Variants in LONRF3 observed in about 807,000 individuals in gnomAD.
LONRF3 encodes the protein LON peptidase N-terminal domain and ring finger 3.
A neutral mutation model predicts 51.7 loss-of-function variants in LONRF3; 19 were observed. The observed-to-expected ratio is 0.37, with a 90% CI of 0.26 to 0.54. The LOEUF (loss-of-function observed/expected upper bound fraction) is 0.54, where lower values mean the gene tolerates loss of function less well. Among genes scored for constraint, LONRF3 ranks in the 20% least tolerant of loss-of-function variants. The pLI, the probability that LONRF3 is intolerant of heterozygous loss-of-function variation, is 0.86. For missense variants in LONRF3, 521 were observed against 623.9 expected (o/e 0.84, Z 1.76); for synonymous variants, 265 against 257.8 (o/e 1.03, Z -0.27).
At chrX:119,003,584 C>T (rs1924485838) in intron 5 of LONRF3, among the ~76,000 whole-genome samples, 1 of 112,210 alleles carries the variant, frequency 8.9e-6, no homozygotes, top group Non-Finnish European at 1.9e-5. Flanking sequence ...TTCTGTTCCC[C>T]GAGTCTATTT....
chrX:118,978,767 A>G (rs1264066736), intron 2 of LONRF3, among the ~76,000 whole-genome samples: 1 of 110,473 alleles, frequency 9.1e-6, no homozygotes, highest in Non-Finnish European at 1.9e-5. Context: ...AACTTTTATG[A>G]CCTTTGTGGC....
chrX:118,993,924 T>A (rs1247833287), intron 5 of LONRF3, among the ~76,000 whole-genome samples: 1 of 112,019 alleles, frequency 8.9e-6, no homozygotes, highest in African/African-American at 3.2e-5. Flanking sequence ...CCAGTGAAAC[T>A]AAGCATCACT....
chrX:118,992,751 A>G (rs1283426125), intron 5 of LONRF3, among the ~76,000 whole-genome samples: 1 of 111,399 alleles, frequency 9.0e-6, no homozygotes, highest in Non-Finnish European at 1.9e-5. Flanking sequence ...AAAGCTAAGA[A>G]GCCTCATGGA....
intron 3 of LONRF3, chrX:118,987,066 C>T: frequency 1.7e-6 from 2 of 1,153,669 alleles, no homozygotes; most frequent in Non-Finnish European, 1.1e-6. Context: ...CCATAATCTA[C>T]CAAGGTTGTT....
chrX:118,987,993 G>A (rs985770154), intron 3 of LONRF3, among the ~76,000 whole-genome samples: 2 of 111,319 alleles, frequency 1.8e-5, no homozygotes, highest in African/African-American at 6.5e-5. Flanking sequence ...TGGCTTTCCC[G>A]GCAGAGGGTA....
intron 2 of LONRF3, among the ~76,000 whole-genome samples, chrX:118,979,501 G>A (rs1190903585): frequency 9.1e-5 from 10 of 109,422 alleles, no homozygotes; most frequent in Admixed American, 5.9e-4. Flanking sequence ...TGCCATGTTG[G>A]CTGGTCTCAA....
intron 5 of LONRF3, among the ~76,000 whole-genome samples, chrX:119,001,975 T>C (rs1405286549): frequency 8.9e-6 from 1 of 112,532 alleles, no homozygotes; most frequent in African/African-American, 3.2e-5. Context: ...TCAAATAATA[T>C]AAGGCATTCA....
At chrX:118,976,975 G>A (rs1922129318) in intron 1 of LONRF3, 1 of 111,923 alleles carries the variant, frequency 8.9e-6, no homozygotes, top group South Asian at 3.7e-4. Context: ...GAGGAATGAG[G>A]ACTGAAGGGG....
At chrX:118,979,819 G>A (rs937725845) in intron 2 of LONRF3, among the ~76,000 whole-genome samples, 1 of 111,444 alleles carries the variant, frequency 9.0e-6, no homozygotes, top group Non-Finnish European at 1.9e-5. Context: ...TAGGTCACAT[G>A]GGGGGTGAGA....
intron 2 of LONRF3, among the ~76,000 whole-genome samples, chrX:118,981,185 A>G (rs1922519073): frequency 9.0e-6 from 1 of 111,068 alleles, no homozygotes; most frequent in Non-Finnish European, 1.9e-5. Context: ...TGCCCTGAGC[A>G]GGTAGAGTAT....
intron 5 of LONRF3, among the ~76,000 whole-genome samples, chrX:119,004,791 C>T (rs1019419975): frequency 3.6e-5 from 4 of 112,395 alleles, no homozygotes; most frequent in African/African-American, 9.7e-5. Flanking sequence ...GTACACTTTA[C>T]GTCTGTTCCA....
At chrX:119,017,351 G>T (rs1261406751) in intron 10 of LONRF3, among the ~76,000 whole-genome samples, 184 bp from the exon 11 acceptor site, 2 of 112,164 alleles carry the variant, frequency 1.8e-5, no homozygotes, top group African/African-American at 6.5e-5. Context: ...GCTGAGAAAT[G>T]CAGTCTTTTT....
chrX:119,011,217 GC>G (rs1255427107), intron 7 of LONRF3, among the ~76,000 whole-genome samples: 2 of 111,281 alleles, frequency 1.8e-5, no homozygotes, highest in Non-Finnish European at 3.8e-5. Context: ...TGATTGAAGA[GC>G]CCCTGTTGAT....
intron 6 of LONRF3, among the ~76,000 whole-genome samples, chrX:119,008,345 A>G (rs1924874560): frequency 8.9e-6 from 1 of 111,969 alleles, no homozygotes; most frequent in African/African-American, 3.2e-5. Flanking sequence ...TTTCCATAGC[A>G]AGCAATTCTC....
chrX:118,981,711 C>T (rs186785013), intron 2 of LONRF3, among the ~76,000 whole-genome samples: 1 of 111,023 alleles, frequency 9.0e-6, no homozygotes, highest in Admixed American at 9.5e-5. Flanking sequence ...TGGGGGAATG[C>T]GGAAAGGTCT....
intron 3 of LONRF3, 31 bp downstream of exon 3, chrX:118,982,974 C>T: frequency 8.4e-7 from 1 of 1,192,866 alleles, no homozygotes. Context: ...GTCCAGCTGC[C>T]TACTGGACCC....
chrX:118,994,603 A>G (rs112106397), intron 5 of LONRF3, among the ~76,000 whole-genome samples: 161 of 110,719 alleles, frequency 1.5e-3, no homozygotes, highest in African/African-American at 5.1e-3. Flanking sequence ...GGGTTTCACC[A>G]TGTTGGTCAG....
At chrX:118,991,541 G>A (rs1463821187) in intron 5 of LONRF3, among the ~76,000 whole-genome samples, 1 of 111,864 alleles carries the variant, frequency 8.9e-6, no homozygotes, top group Non-Finnish European at 1.9e-5. Context: ...CTCTGGAGAG[G>A]CAAATTATTC....
chrX:118,997,721 C>T (rs1308351096), intron 5 of LONRF3, among the ~76,000 whole-genome samples: 3 of 112,647 alleles, frequency 2.7e-5, no homozygotes, highest in East Asian at 2.8e-4. Flanking sequence ...TCTTCACTAT[C>T]TGTACATCTG....
Sources: gnomAD v4.1 joint callset for allele counts (sites outside exome capture counted in the v4.1 genomes callset) on GRCh38, gnomAD v4.1.1 for gene constraint, MANE v1.5 for transcripts, NCBI Gene and HGNC (gene_info 2026-07-23, HGNC 2026-07-21) for gene names.